The following FCSK variants were observed in gnomAD, a reference collection of about 807,000 sequenced individuals.
FCSK encodes the protein fucose kinase, also known as L-fucose kinase.
Under a neutral mutation model 122.5 loss-of-function variants are expected in FCSK, and 123 were observed. The ratio of observed to expected loss-of-function variants is 1.00; its 90% CI spans 0.87 to 1.17. The LOEUF is 1.17. Ranked by LOEUF, FCSK falls within the 50% of genes most tolerant of loss-of-function variation. FCSK has a pLI of 0.00. For synonymous variants in FCSK, 620 were observed against 625.5 expected (o/e 0.99, Z 0.13); for missense variants, 1,366 against 1,450.4 (o/e 0.94, Z 0.95).
intron 3 of FCSK, among the ~76,000 whole-genome samples, chr16:70,464,750 C>T (rs1350391064): frequency 6.6e-6 from 1 of 151,022 alleles, no homozygotes; most frequent in African/African-American, 2.4e-5. Flanking sequence ...TGGCAGTGCA[C>T]ACCTGTAGTC....
Position 70,475,317 on chromosome 16 carries a change from C to G in FCSK, c.2378-33C>G, listed in dbSNP as rs763709661. The G allele has an allele frequency of 1.9e-6, 3 of 1,605,374 alleles. No homozygotes were observed. The South Asian group carries it at 3.3e-5, about 18-fold the overall frequency. ...GGGTGCCTGCGTCTGCCCATCGAGACTGAATTCCTTTCTCATGCCTGTCCT... is the reference window on the plus strand; with the variant it reads ...GGGTGCCTGCGTCTGCCCATCGAGAGTGAATTCCTTTCTCATGCCTGTCCT... On this transcript the variant is annotated intron_variant, in intron 18 of 23. Coordinates refer to ENST00000288078, the MANE Select transcript of FCSK (RefSeq NM_145059.3).
chr16:70,465,639 C>G lies in FCSK; in HGVS notation c.285+463C>G, dbSNP rs2048393758. ...CACCACTGCACTCCAGCCTGTGTGACCCTTTCTCAAAAAATAAAATTATAG... is the reference window on the plus strand; with the variant it reads ...CACCACTGCACTCCAGCCTGTGTGAGCCTTTCTCAAAAAATAAAATTATAG... On this transcript the variant is annotated intron_variant, in intron 4 of 23. Coordinates refer to ENST00000288078, the MANE Select transcript of FCSK (RefSeq NM_145059.3). Among the ~76,000 whole-genome samples the G allele has an allele frequency of 1.3e-5, 2 of 150,592 alleles. 1 individual carries two copies. The highest frequency in any genetic ancestry group is 3.0e-5 in the Non-Finnish European group (2 of 67,664).
rs146101067 is a variant in FCSK at position 70,457,564 on chromosome 16, GTTTCTTTCTTTC to G, written c.-23+2950_-23+2961del. Among the ~76,000 whole-genome samples the G allele has an allele frequency of 1.5e-3, 232 of 151,524 alleles. 2 individuals are homozygous for G. Among genetic ancestry groups the G allele is most frequent in the Middle Eastern group, 0.014 (4 of 294 alleles). ...GCTACCACATCTGGCCATTTCAAGG[GTTTCTTTCTTTC>G]TTTCTTTCTTTCTTTTTTCCTCAGA... On this transcript the variant is annotated intron_variant, in intron 1 of 23. Transcript: ENST00000288078.
At chr16:70,477,998 T>TA in intron 20 of FCSK, 1 of 453,860 alleles carries the variant, frequency 2.2e-6, no homozygotes, top group Non-Finnish European at 3.9e-6. Context: ...GTAAAATCTT[T>TA]ATTCTTCAGT....
At chr16:70,466,027 C>G in intron 4 of FCSK, 105 bp from the exon 5 acceptor site, 1 of 1,180,498 alleles carries the variant, frequency 8.5e-7, no homozygotes, top group Non-Finnish European at 1.2e-6. Context: ...ATCAAGAGAA[C>G]ATTTTTTATC....
At position 70,467,212 on chromosome 16, in the gene FCSK, G is replaced by A; in HGVS notation, c.485-162G>A. 4 of 628,850 alleles carry A rather than the reference G, an allele frequency of 6.4e-6. No homozygotes were observed. In the South Asian group the frequency reaches 7.7e-5, roughly 12 times the overall value. The allele number at this position is 628,850 out of a possible 1,614,324, so 39.0% of individuals were successfully genotyped here. ...CTGCGGAAGAACTTTGGGAGAGGAG[G>A]GTTGTCATTCTCCCAGGCGAATGTC... On this transcript the variant is annotated intron_variant, in intron 6 of 23. Coordinates refer to ENST00000288078, the MANE Select transcript of FCSK (RefSeq NM_145059.3).
Position 70,468,869 on chromosome 16 carries a change from C to T in FCSK, c.684C>T (p.Phe228=), listed in dbSNP as rs1437504410. 6.2e-7 allele frequency: 1 copy of T among 1,614,088 alleles called. No individual in the cohort carries two copies. The highest frequency in any genetic ancestry group is 1.6e-4 in the Middle Eastern group (1 of 6,062). Reference sequence around the variant, plus strand: ...TCCAGGTCTCTGGGGTTGTCTTCTTCTCTGTGGAGACTGCCGAGCGCCTCC... The same window carrying T: ...TCCAGGTCTCTGGGGTTGTCTTCTTTTCTGTGGAGACTGCCGAGCGCCTCC... ...RVPLVSGVVF[F]SVETAERLLA... is the part of the protein sequence containing the mutation. The change falls in exon 9 of 24, where the codon TTC becomes TTT. Residue 228 remains phenylalanine, a synonymous_variant. Coordinates refer to ENST00000288078, the MANE Select transcript of FCSK (RefSeq NM_145059.3).
At chr16:70,469,066 C>A (rs1475247425) in intron 9 of FCSK, 86 bp from the exon 10 acceptor site, 2 of 1,605,864 alleles carry the variant, frequency 1.2e-6, no homozygotes, top group African/African-American at 2.7e-5. Flanking sequence ...AGAGTCTCCG[C>A]AGACGGGACT....
Position 70,475,692 on chromosome 16 carries a change from C to G in FCSK, c.2566C>G (p.Arg856Gly). 6.2e-7 allele frequency: 1 copy of G among 1,601,368 alleles called. No homozygotes were observed. ...LAGTALAALQ[R>G]AAGRVVGTEA... is the part of the protein sequence containing the mutation. ...AGGCACTGCCCTGGCTGCCTTGCAG[C>G]GAGCCGCAGGCCGGGTGGTGGGCAC... The change falls in exon 20 of 24, where the codon CGA (arginine) becomes GGA (glycine). Residue 856 changes from arginine to glycine, a missense_variant. Physicochemically the swap from Arg to Gly is moderately radical, Grantham distance 125. Coordinates refer to ENST00000288078, the MANE Select transcript of FCSK (RefSeq NM_145059.3).
Position 70,479,690 on chromosome 16 carries a change from C to G in FCSK, c.*10C>G, listed in dbSNP as rs775595210. On this transcript the variant is annotated 3_prime_UTR_variant, in exon 24 of 24. Coordinates refer to ENST00000288078, the MANE Select transcript of FCSK (RefSeq NM_145059.3). The stretch of plus-strand genomic sequence containing the variant: ...TTGCCCTTTCCCATGAAGCTGGCTT[C>G]TCTCTGCAACAGGAGAAAACCTGGA... 6.2e-7 allele frequency: 1 copy of G among 1,610,218 alleles called. No individual in the cohort carries two copies. The highest frequency in any genetic ancestry group is 1.1e-5 in the South Asian group (1 of 90,908).
intron 1 of FCSK, among the ~76,000 whole-genome samples, chr16:70,456,114 G>T (rs2048088097): frequency 6.6e-6 from 1 of 152,212 alleles, no homozygotes; most frequent in African/African-American, 2.4e-5. Context: ...TGAGGCTGCA[G>T]TGAGCTGTGA....
chr16:70,475,527 T>C (rs767124741), intron 19 of FCSK, 34 bp downstream of exon 19: 2 of 1,597,638 alleles, frequency 1.3e-6, no homozygotes, highest in African/African-American at 2.7e-5. Flanking sequence ...ACCCACCGAC[T>C]GTTACAGCCC....
rs1435992297 is a variant in FCSK at position 70,473,571 on chromosome 16, C to T, written c.1777+218C>T. ...TTCATCCTTGTCAGTGGGGTTTGGT[C>T]AGAGGTTGAGGCCTGGCAGCTGAGC... On this transcript the variant is annotated intron_variant, in intron 15 of 23. Transcript: ENST00000288078. This position sits in a 1 kb window ranked among gnomAD's most constrained non-coding sequence, Gnocchi z 4.9. 6.6e-6 allele frequency among the ~76,000 whole-genome samples: 1 copy of T among 152,140 alleles called. No individual in the cohort carries two copies. Among genetic ancestry groups the T allele is most frequent in the Non-Finnish European group, 1.5e-5 (1 of 68,018 alleles).
rs548307342 is a variant in FCSK, at chr16:70,457,110, G to A, written c.-23+2480G>A. Among the ~76,000 whole-genome samples, 18 of 152,136 alleles carry A rather than the reference G, an allele frequency of 1.2e-4. No individual in the cohort carries two copies. The Middle Eastern group carries it at 0.01, about 86-fold the overall frequency. ...GGACAGAGCCTTTTGGGACTGATACGCAACCCAGGACTGTTCCTCTGCCCC... is the reference window on the plus strand; with the variant it reads ...GGACAGAGCCTTTTGGGACTGATACACAACCCAGGACTGTTCCTCTGCCCC... On this transcript the variant is annotated intron_variant, in intron 1 of 23. Coordinates refer to ENST00000288078, the MANE Select transcript of FCSK (RefSeq NM_145059.3).
rs1267249189 is a variant in FCSK at position 70,463,218 on chromosome 16, A to G, written c.28A>G (p.Thr10Ala). 6.2e-7 allele frequency: 1 copy of G among 1,614,080 alleles called. No individual in the cohort carries two copies. Among genetic ancestry groups the G allele is most frequent in the Admixed American group, 1.7e-5 (1 of 60,016 alleles). MEQPKGVDW[T>A]VIILTCQYKD... ...GGAGCAGCCGAAGGGAGTTGATTGGACAGTCATCATCCTGACCTGCCAGTA... is the reference window on the plus strand; with the variant it reads ...GGAGCAGCCGAAGGGAGTTGATTGGGCAGTCATCATCCTGACCTGCCAGTA... The change falls in exon 2 of 24, where the codon ACA becomes GCA. Residue 10 changes from threonine to alanine, a missense_variant. Transcript: ENST00000288078.
rs374648976 is a variant in FCSK at position 70,467,540 on chromosome 16, T to C, written c.582+69T>C. ...TCCTGTCAGTGGGCAGCCTCCTCCC[T>C]GTCAGTGGGCAGCCTCTCATCCTGG... On this transcript the variant is annotated intron_variant, in intron 7 of 23. Transcript: ENST00000288078. 29 of 1,187,038 alleles carry C rather than the reference T, an allele frequency of 2.4e-5. No individual in the cohort carries two copies. In the East Asian group the frequency reaches 5.9e-4, roughly 24 times the overall value. 73.5% of individuals were successfully genotyped at this position (1,187,038 alleles called of 1,614,324 possible).
chr16:70,465,870 T>C (rs2048402010), intron 4 of FCSK, among the ~76,000 whole-genome samples: 1 of 152,122 alleles, frequency 6.6e-6, no homozygotes, highest in African/African-American at 2.4e-5. Context: ...TGAGAATTGC[T>C]TGAACCCAGG....
Position 70,466,265 on chromosome 16 carries a change from T to A in FCSK, c.411+8T>A. The A allele has an allele frequency of 6.2e-7, 1 of 1,613,888 alleles. No individual in the cohort carries two copies. ...GACATCATGACCTATCGGGTGAGGC[T>A]GGGTGGTGGCCCGTGGTGCCTCGTC... On this transcript the variant is annotated splice_region_variant and intron_variant, in intron 5 of 23. Coordinates refer to ENST00000288078, the MANE Select transcript of FCSK (RefSeq NM_145059.3).
chr16:70,475,821 G>T, intron 20 of FCSK, 54 bp downstream of exon 20: 1 of 1,488,654 alleles, frequency 6.7e-7, no homozygotes, highest in Non-Finnish European at 8.9e-7. Flanking sequence ...CCAAGGGCCC[G>T]CGGGGGGAGT....
Sources: allele counts gnomAD v4.1 joint callset (sites outside exome capture counted in the v4.1 genomes callset), GRCh38; gene constraint gnomAD v4.1.1; non-coding constraint Gnocchi (gnomAD v3.1); transcripts MANE v1.5; gene names NCBI Gene and HGNC (gene_info 2026-07-23, HGNC 2026-07-21).